Variants in STK24 observed in about 807,000 individuals in gnomAD.
The protein encoded by STK24 is serine/threonine kinase 24.
A neutral mutation model predicts 55.6 loss-of-function variants in STK24; 21 were observed. The ratio of observed to expected loss-of-function variants is 0.38; its 90% CI spans 0.27 to 0.54. The LOEUF (loss-of-function observed/expected upper bound fraction) is 0.54, where lower values mean the gene tolerates loss of function less well. Ranked by LOEUF, STK24 falls within the 20% of genes least tolerant of loss-of-function variation. STK24 has a pLI of 0.79. For synonymous variants in STK24, 200 were observed against 215.2 expected (o/e 0.93, Z 0.62); for missense variants, 383 against 538.4 (o/e 0.71, Z 2.86).
At chr13:98,462,041 C>A (rs1014111584) in intron 7 of STK24, 144 bp from the exon 8 acceptor site, 4 of 1,013,020 alleles carry the variant, frequency 3.9e-6, no homozygotes, top group African/African-American at 3.2e-5. Flanking sequence ...CTTGTCCAGT[C>A]CCTCTGGGAT....
Position 98,446,358 on chromosome 13 carries a change from G to A in STK24, c.*6815C>T. The A allele has an allele frequency of 1.6e-6, 1 of 614,674 alleles. No individual in the cohort carries two copies. The highest frequency in any genetic ancestry group is 2.7e-5 in the East Asian group (1 of 36,488). 38.1% of individuals were successfully genotyped at this position (614,674 alleles called of 1,614,324 possible). A position where few individuals can be genotyped will look rare whatever the true frequency, so the allele number is the denominator to read the frequency against. ...CTGGCGGGGGGCCCTGTCCACCCGA[G>A]GCCCTCAACTCTAGGGAAGACTGAC... On this transcript the variant is annotated 3_prime_UTR_variant, in exon 11 of 11. Coordinates refer to ENST00000539966, the MANE Select transcript of STK24 (RefSeq NM_001032296.4).
chr13:98,522,197 C>G (rs1174101519), intron 1 of STK24: 1 of 648,902 alleles, frequency 1.5e-6, no homozygotes, highest in Non-Finnish European at 1.9e-6. Context: ...AGCCCCACTC[C>G]CGCTGGCTTC....
intron 1 of STK24, among the ~76,000 whole-genome samples, chr13:98,572,732 G>T (rs760611385): frequency 4.3e-4 from 66 of 152,162 alleles, no homozygotes; most frequent in Non-Finnish European, 7.3e-4. Flanking sequence ...CAAACTTCAG[G>T]TTTTTAAGCT....
chr13:98,565,990 G>A (rs1406467895), intron 1 of STK24, among the ~76,000 whole-genome samples: 2 of 152,178 alleles, frequency 1.3e-5, no homozygotes, highest in South Asian at 2.1e-4. Context: ...AGCACCAGGC[G>A]GTAGGCATGG....
At chr13:98,571,856 T>G (rs1897748529) in intron 1 of STK24, among the ~76,000 whole-genome samples, 1 of 152,166 alleles carries the variant, frequency 6.6e-6, no homozygotes, top group Non-Finnish European at 1.5e-5. Context: ...GGCTCCCCAC[T>G]CGCATCCCTG....
intron 10 of STK24, chr13:98,456,222 T>C (rs1350299529): frequency 9.6e-6 from 3 of 310,964 alleles, no homozygotes; most frequent in Non-Finnish European, 1.9e-5. Flanking sequence ...CACAGGACAG[T>C]AGGCAGCCCC....
intron 2 of STK24, among the ~76,000 whole-genome samples, chr13:98,501,830 A>C: frequency 6.6e-6 from 1 of 152,196 alleles, no homozygotes. Flanking sequence ...CAAGGTCCCC[A>C]TTTGGCTTTC....
intron 1 of STK24, among the ~76,000 whole-genome samples, chr13:98,561,210 A>C (rs1897410368): frequency 1.3e-5 from 2 of 152,228 alleles, no homozygotes; most frequent in South Asian, 2.1e-4. Context: ...AAAACTCATT[A>C]AATAACACAC....
rs910586861 is a variant in STK24, at chr13:98,445,968, G to A, written c.*7205C>T. On this transcript the variant is annotated 3_prime_UTR_variant, in exon 11 of 11. Coordinates refer to ENST00000539966, the MANE Select transcript of STK24 (RefSeq NM_001032296.4). The stretch of plus-strand genomic sequence containing the variant: ...CAAGTCTCCCCACACACGGGGGAGC[G>A]GGGGTGGGGCCCACATCCTTCAGTC... 3.2e-6 allele frequency: 2 copies of A among 620,784 alleles called. No individual in the cohort carries two copies. The highest frequency in any genetic ancestry group is 5.8e-6 in the Non-Finnish European group (2 of 346,482). 38.5% of individuals were successfully genotyped at this position (620,784 alleles called of 1,614,324 possible).
In STK24 at chr13:98,460,362, A is replaced by G. The variant is rs367573385; in HGVS notation, c.1122+10T>C. The G allele has an allele frequency of 1.2e-6, 2 of 1,612,016 alleles. No individual in the cohort carries two copies. The highest frequency in any genetic ancestry group is 8.5e-7 in the Non-Finnish European group (1 of 1,178,632). On this transcript the variant is annotated intron_variant, in intron 9 of 10. Coordinates refer to ENST00000539966, the MANE Select transcript of STK24 (RefSeq NM_001032296.4). ...CCCTCCCACTCCGAAAAGGCCAGCC[A>G]GGTACCTACCTCTGCAAACAGAGGA...
intron 2 of STK24, among the ~76,000 whole-genome samples, chr13:98,501,488 T>G (rs956023324): frequency 2.6e-5 from 4 of 152,242 alleles, no homozygotes; most frequent in Non-Finnish European, 5.9e-5. Context: ...GTGAAAATTC[T>G]TATTTCCCCA....
At chr13:98,561,273 C>G (rs1335933125) in intron 1 of STK24, among the ~76,000 whole-genome samples, 1 of 152,114 alleles carries the variant, frequency 6.6e-6, no homozygotes, top group Non-Finnish European at 1.5e-5. Flanking sequence ...TTTTTTCTTT[C>G]TCCAAAGGCA....
rs373146168 is a variant in STK24 at position 98,543,781 on chromosome 13, G to A, written c.43-24308C>T. ...GGGTGAAGCCTGCAGATGCGGTGCC[G>A]GTCATCAATGGCTTCTATTGAACGG... On this transcript the variant is annotated intron_variant, in intron 1 of 10. Coordinates refer to ENST00000539966, the MANE Select transcript of STK24 (RefSeq NM_001032296.4). Among the ~76,000 whole-genome samples the A allele has an allele frequency of 4.6e-5, 7 of 152,270 alleles. No individual in the cohort carries two copies. The East Asian group carries it at 7.7e-4, about 17-fold the overall frequency.
chr13:98,500,386 G>T (rs557372673), intron 2 of STK24, among the ~76,000 whole-genome samples: 1 of 152,110 alleles, frequency 6.6e-6, no homozygotes, highest in Non-Finnish European at 1.5e-5. Flanking sequence ...GCCATGTCTT[G>T]ATATGGAATT....
rs114860010 is a variant in STK24 at position 98,545,789 on chromosome 13, T to C, written c.43-26316A>G. Among the ~76,000 whole-genome samples, 1,521 of 152,316 alleles carry C rather than the reference T, an allele frequency of 1.0e-2. 26 individuals carry two copies. The highest frequency in any genetic ancestry group is 0.034 in the African/African-American group (1,431 of 41,568). ...GCTAAAAGCGGCAAATGTCTTTCTA[T>C]ATTAGATGAAACATCCTGAATTATA... is the stretch of plus-strand genomic sequence containing the variant. On this transcript the variant is annotated intron_variant, in intron 1 of 10. Transcript: ENST00000539966.
chr13:98,536,901 C>T (rs1896752621), intron 1 of STK24, among the ~76,000 whole-genome samples: 2 of 133,342 alleles, frequency 1.5e-5, no homozygotes, highest in African/African-American at 2.8e-5. Context: ...CACACTCCTC[C>T]GCCTGTCCTC....
intron 1 of STK24, among the ~76,000 whole-genome samples, chr13:98,545,022 C>T (rs1896994891): frequency 6.6e-6 from 1 of 152,198 alleles, no homozygotes; most frequent in Non-Finnish European, 1.5e-5. Context: ...AACCCCACTT[C>T]CAGTTAGTTT....
intron 1 of STK24, among the ~76,000 whole-genome samples, chr13:98,532,867 G>T (rs1022233958): frequency 2.0e-5 from 3 of 151,548 alleles, no homozygotes; most frequent in African/African-American, 7.4e-5. Flanking sequence ...GCACTACTCA[G>T]TTTATCTACC....
At position 98,568,794 on chromosome 13, in the gene STK24, G is replaced by A. The variant is rs1444998093; in HGVS notation, c.42+7951C>T. Among the ~76,000 whole-genome samples the A allele has an allele frequency of 2.0e-5, 3 of 152,216 alleles. No homozygotes were observed. In the South Asian group the frequency reaches 6.2e-4, roughly 32 times the overall value. On this transcript the variant is annotated intron_variant, in intron 1 of 10. Transcript: ENST00000539966. ...GAGGCAGGAGAATCACTGGAACCTG[G>A]GGGGGCAGATGTTGCAGTGAATGAA...
Sources: gnomAD v4.1 joint callset for allele counts (sites outside exome capture counted in the v4.1 genomes callset) on GRCh38, gnomAD v4.1.1 for gene constraint, MANE v1.5 for transcripts, NCBI Gene and HGNC (gene_info 2026-07-23, HGNC 2026-07-21) for gene names.